The following DNAAF9 variants were observed in gnomAD, a reference collection of about 807,000 sequenced individuals.
The protein encoded by DNAAF9 is dynein axonemal assembly factor 9, also known as shulin.
A neutral mutation model predicts 167.0 loss-of-function variants in DNAAF9; 90 were observed. The ratio of observed to expected loss-of-function variants is 0.54; its 90% confidence interval spans 0.45 to 0.64. The LOEUF (loss-of-function observed/expected upper bound fraction) is 0.64. DNAAF9 is among the 30% of genes least tolerant of loss of function. The pLI, the probability that DNAAF9 is intolerant of heterozygous loss-of-function variation, is 0.00. For missense variants in DNAAF9, 1,315 were observed against 1,442.2 expected (o/e 0.91, Z 1.43); for synonymous variants, 491 against 508.8 (o/e 0.96, Z 0.47).
intron 33 of DNAAF9, among the ~76,000 whole-genome samples, chr20:3,257,976 G>C (rs1568560393): frequency 7.2e-6 from 1 of 138,596 alleles, no homozygotes; most frequent in African/African-American, 3.0e-5. Flanking sequence ...TGATCTGCCT[G>C]CCTTGGCCTC....
intron 2 of DNAAF9, among the ~76,000 whole-genome samples, chr20:3,381,978 G>C (rs1433032844): frequency 1.3e-5 from 2 of 152,116 alleles, no homozygotes; most frequent in African/African-American, 4.8e-5. Flanking sequence ...TAGATGCTGG[G>C]GTATGGTGGT....
chr20:3,373,994 A>AT, intron 6 of DNAAF9, 54 bp downstream of exon 6: 1 of 1,151,482 alleles, frequency 8.7e-7, no homozygotes, highest in Non-Finnish European at 1.3e-6. Flanking sequence ...TGGGTTCTTC[A>AT]TAAAAACAGC....
intron 1 of DNAAF9, among the ~76,000 whole-genome samples, chr20:3,404,282 C>T (rs1297030661): frequency 6.6e-6 from 1 of 152,150 alleles, no homozygotes; most frequent in African/African-American, 2.4e-5. Context: ...GTGATCCACC[C>T]ACCTTGGCCT....
chr20:3,402,046 C>T lies in DNAAF9; in HGVS notation c.83+5429G>A, dbSNP rs549390132. On this transcript the variant is annotated intron_variant, in intron 1 of 36. Transcript: ENST00000252032. ...TTGAGAACTTACATGTGTGAAATAT[C>T]TTCATCCTTTCTTACACCTGCCTGA... Among the ~76,000 whole-genome samples, 3 of 152,286 alleles carry T rather than the reference C, an allele frequency of 2.0e-5. No homozygotes were observed. The East Asian group carries it at 5.8e-4, about 29-fold the overall frequency.
At chr20:3,374,880 A>T (rs1437732696) in intron 5 of DNAAF9, 150 bp downstream of exon 5, 1 of 628,446 alleles carries the variant, frequency 1.6e-6, no homozygotes, top group African/African-American at 1.8e-5. Flanking sequence ...TGCACAGAAA[A>T]GTCCCCATAC....
chr20:3,354,565 A>C (rs2083260153), intron 7 of DNAAF9, among the ~76,000 whole-genome samples: 1 of 152,206 alleles, frequency 6.6e-6, no homozygotes, highest in Non-Finnish European at 1.5e-5. Flanking sequence ...GCCACATTTG[A>C]GCACCTTCTC....
intron 1 of DNAAF9, among the ~76,000 whole-genome samples, chr20:3,404,816 A>G (rs750150400): frequency 2.0e-5 from 3 of 152,252 alleles, no homozygotes; most frequent in Non-Finnish European, 4.4e-5. Flanking sequence ...AGTATCTTTC[A>G]GCTAGATTTC....
At position 3,391,704 on chromosome 20, in the gene DNAAF9, C is replaced by T. The variant is rs144293771; in HGVS notation, c.84-9198G>A. On this transcript the variant is annotated intron_variant, in intron 1 of 36. Transcript: ENST00000252032. ...CAAGCGTTTCTCCTGCCTCAGGCTC[C>T]TGAGTAGCTAGGATTACAGGCATGC... Among the ~76,000 whole-genome samples, 883 of 151,808 alleles carry T rather than the reference C, an allele frequency of 5.8e-3. 3 individuals carry two copies. The highest frequency in any genetic ancestry group is 9.4e-3 in the Non-Finnish European group (640 of 67,962).
At chr20:3,252,787 T>C (rs2068215899) in intron 36 of DNAAF9, 103 bp from the exon 37 acceptor site, 1 of 740,992 alleles carries the variant, frequency 1.3e-6, no homozygotes, top group African/African-American at 1.7e-5. Context: ...GCTGAGGAAG[T>C]GAGTGTCTGG....
chr20:3,305,608 T>A (rs2069276407), intron 20 of DNAAF9, among the ~76,000 whole-genome samples: 1 of 152,184 alleles, frequency 6.6e-6, no homozygotes, highest in African/African-American at 2.4e-5. Context: ...CTTCACATCC[T>A]GGGTGAGGAA....
At position 3,276,212 on chromosome 20, in the gene DNAAF9, A is replaced by G. The variant is rs1200447895; in HGVS notation, c.2650+2700T>C. 2.0e-5 allele frequency among the ~76,000 whole-genome samples: 3 copies of G among 152,174 alleles called. No individual in the cohort carries two copies. In the East Asian group the frequency reaches 5.8e-4, roughly 29 times the overall value. ...TGCTGGCAGATCCCACCTCCAAGCCAGCTACCAAATCTCCTAGGAGAAAAG... is the reference window on the plus strand; with the variant it reads ...TGCTGGCAGATCCCACCTCCAAGCCGGCTACCAAATCTCCTAGGAGAAAAG... On this transcript the variant is annotated intron_variant, in intron 29 of 36. Transcript: ENST00000252032.
intron 14 of DNAAF9, among the ~76,000 whole-genome samples, chr20:3,324,184 C>G (rs1219463179): frequency 1.3e-5 from 2 of 152,156 alleles, no homozygotes; most frequent in African/African-American, 2.4e-5. Flanking sequence ...ATTGACTAAT[C>G]TTTCAAATAC....
chr20:3,264,080 A>C (rs989852945), intron 31 of DNAAF9, among the ~76,000 whole-genome samples: 16 of 152,198 alleles, frequency 1.1e-4, no homozygotes, highest in African/African-American at 3.9e-4. Flanking sequence ...GGACTGACTG[A>C]CGGTATTGTC....
chr20:3,398,984 T>C (rs1427870116), intron 1 of DNAAF9, among the ~76,000 whole-genome samples: 2 of 152,176 alleles, frequency 1.3e-5, no homozygotes, highest in East Asian at 3.9e-4. Flanking sequence ...CCAATGACCA[T>C]AAGGTGACTC....
At position 3,256,038 on chromosome 20, in the gene DNAAF9, T is replaced by C; in HGVS notation, c.3229A>G (p.Ile1077Val). ...GCTGACTGCCGCAGCCAGTCCTTGA[T>C]GCTGTCTTCCTTCAGGGAGCAGCCG... The part of the protein sequence containing the change: ...FIGCSLKEDS[I>V]KDWLRQSAKQ... Residue 1077 changes from isoleucine to valine, a missense_variant, in exon 34 of 37, where the codon ATC becomes GTC. Physicochemically the swap from Ile to Val is conservative, Grantham distance 29. Around this residue, in one of 2 missense-constraint regions of DNAAF9, gnomAD observed 334 missense variants for 429.7 expected, o/e 0.78. Coordinates refer to ENST00000252032, the MANE Select transcript of DNAAF9 (RefSeq NM_001009984.3). 1.2e-6 allele frequency: 2 copies of C among 1,613,768 alleles called. No homozygotes were observed. The highest frequency in any genetic ancestry group is 8.5e-7 in the Non-Finnish European group (1 of 1,180,006).
At chr20:3,369,423 C>T (rs1431090826) in intron 6 of DNAAF9, among the ~76,000 whole-genome samples, 1 of 151,300 alleles carries the variant, frequency 6.6e-6, no homozygotes, top group East Asian at 1.9e-4. Flanking sequence ...TTCGCCCAGG[C>T]TGGAGTGTAG....
intron 1 of DNAAF9, among the ~76,000 whole-genome samples, chr20:3,400,487 GA>G (rs2083967940): frequency 1.3e-5 from 2 of 151,944 alleles, no homozygotes; most frequent in Non-Finnish European, 2.9e-5. Flanking sequence ...CACCACTTTA[GA>G]AATTCATCTA....
intron 1 of DNAAF9, among the ~76,000 whole-genome samples, chr20:3,385,033 A>T (rs1175901932): frequency 6.6e-6 from 1 of 152,152 alleles, no homozygotes; most frequent in East Asian, 1.9e-4. Flanking sequence ...ACAGAAAAAA[A>T]GCCACTCAGA....
At chr20:3,383,059 A>G (rs951021565) in intron 1 of DNAAF9, among the ~76,000 whole-genome samples, 1 of 152,052 alleles carries the variant, frequency 6.6e-6, no homozygotes, top group Non-Finnish European at 1.5e-5. Context: ...TTATTCCTTC[A>G]GCCCTAGGGA....
Sources: gnomAD v4.1 joint callset for allele counts (sites outside exome capture counted in the v4.1 genomes callset) on GRCh38, gnomAD v4.1.1 for gene constraint, gnomAD v4.1.1 regional missense constraint, MANE v1.5 for transcripts, NCBI Gene and HGNC (gene_info 2026-07-23, HGNC 2026-07-21) for gene names.